Variants in STK40 observed in about 807,000 individuals in gnomAD.
STK40 encodes serine/threonine-protein kinase 40.
STK40 carries 13 observed loss-of-function variants against 47.9 expected under a neutral mutation model. The ratio of observed to expected loss-of-function variants is 0.27; its 90% CI spans 0.18 to 0.43. The LOEUF is 0.43. Ranked by LOEUF, STK40 falls within the 20% of genes least tolerant of loss-of-function variation. STK40 has a pLI of 1.00. For synonymous variants in STK40, 225 were observed against 243.2 expected (o/e 0.93, Z 0.69); for missense variants, 460 against 595.1 (o/e 0.77, Z 2.36).
At chr1:36,361,098 A>G in intron 2 of STK40, 123 bp downstream of exon 2, 1 of 1,104,820 alleles carries the variant, frequency 9.1e-7, no homozygotes, top group Non-Finnish European at 1.3e-6. Context: ...GGGGCAGGGC[A>G]GGACCACACA....
intron 1 of STK40, among the ~76,000 whole-genome samples, chr1:36,382,140 G>A (rs1238075279): frequency 3.9e-5 from 6 of 151,956 alleles, no homozygotes; most frequent in South Asian, 2.1e-4. Context: ...TTGCTAGCAG[G>A]GACACACAGA....
chr1:36,346,009 T>TTTTTTTTTTTTTTC (rs1436531127), intron 7 of STK40, among the ~76,000 whole-genome samples: 3 of 122,046 alleles, frequency 2.5e-5, no homozygotes, highest in African/African-American at 7.6e-5. Context: ...TTTTTTTTTT[T>TTTTTTTTTTTTTTC]CCTGAGACAG....
chr1:36,382,774 T>G (rs762305443), intron 1 of STK40, among the ~76,000 whole-genome samples: 6 of 152,250 alleles, frequency 3.9e-5, no homozygotes, highest in Non-Finnish European at 7.3e-5. Flanking sequence ...TACTACTCAG[T>G]GTCTGTTAAG....
intron 10 of STK40, 97 bp from the exon 11 acceptor site, chr1:36,342,070 C>T (rs771145212): frequency 2.6e-6 from 3 of 1,141,094 alleles, no homozygotes; most frequent in Non-Finnish European, 2.5e-6. Flanking sequence ...CAGCCTGGCT[C>T]CTGCAGTCAC....
chr1:36,355,751 T>A (rs1409733497), intron 4 of STK40, among the ~76,000 whole-genome samples: 2 of 152,176 alleles, frequency 1.3e-5, no homozygotes, highest in African/African-American at 4.8e-5. Flanking sequence ...AGGGCCCTCT[T>A]AGCCCAGTGC....
intron 1 of STK40, among the ~76,000 whole-genome samples, chr1:36,362,313 T>C (rs748029959): frequency 1.3e-5 from 2 of 152,050 alleles, no homozygotes; most frequent in African/African-American, 4.8e-5. Flanking sequence ...GAGTTCCACA[T>C]GGGGAAGGTC....
intron 1 of STK40, among the ~76,000 whole-genome samples, chr1:36,377,391 G>A (rs962842090): frequency 6.6e-6 from 1 of 151,722 alleles, no homozygotes; most frequent in Non-Finnish European, 1.5e-5. Context: ...AAATTAGCCG[G>A]GTGTGGTGGC....
chr1:36,375,043 G>C (rs1646980027), intron 1 of STK40, among the ~76,000 whole-genome samples: 1 of 152,158 alleles, frequency 6.6e-6, no homozygotes, highest in African/African-American at 2.4e-5. Context: ...CAGAACAACT[G>C]GTTGATTCTA....
chr1:36,374,473 G>A (rs980892284), intron 1 of STK40, among the ~76,000 whole-genome samples: 4 of 152,282 alleles, frequency 2.6e-5, no homozygotes, highest in African/African-American at 9.6e-5. Flanking sequence ...GGGAGCAAAG[G>A]GCTTCACCAG....
rs543916472 is a variant in STK40, at chr1:36,354,303, G to C, written c.623+61C>G. Reference sequence around the variant, plus strand: ...GGACACTTCAGGGCACTGGAGAGTTGCAATGTGTAGCCTGCCCCAGCCCCG... The same window carrying C: ...GGACACTTCAGGGCACTGGAGAGTTCCAATGTGTAGCCTGCCCCAGCCCCG... On this transcript the variant is annotated intron_variant, in intron 6 of 10. Transcript: ENST00000373132. 15 of 1,577,008 alleles carry C rather than the reference G, an allele frequency of 9.5e-6. No individual in the cohort carries two copies. The East Asian group carries it at 1.6e-4, about 16-fold the overall frequency.
intron 4 of STK40, among the ~76,000 whole-genome samples, chr1:36,356,628 T>C (rs908231174): frequency 7.2e-5 from 11 of 151,992 alleles, no homozygotes; most frequent in Non-Finnish European, 1.6e-4. Flanking sequence ...GGTTTCACCG[T>C]GTTAGCCAGT....
At chr1:36,371,685 CAAAAAAAA>C (rs57138983) in intron 1 of STK40, among the ~76,000 whole-genome samples, 5 of 27,972 alleles carry the variant, frequency 1.8e-4, no homozygotes, top group African/African-American at 5.7e-4. Context: ...ACCCTGTCTC[CAAAAAAAA>C]AAAAAAAAAA....
At chr1:36,366,350 G>A (rs572745000) in intron 1 of STK40, among the ~76,000 whole-genome samples, 2 of 152,314 alleles carry the variant, frequency 1.3e-5, no homozygotes, top group South Asian at 4.1e-4. Flanking sequence ...AGACGCGCAG[G>A]GAGATGAAAA....
chr1:36,345,799 C>A (rs550201741), intron 7 of STK40, among the ~76,000 whole-genome samples: 1 of 151,260 alleles, frequency 6.6e-6, no homozygotes, highest in Non-Finnish European at 1.5e-5. Flanking sequence ...TCCCTCAGCC[C>A]GAGCCTCTGT....
chr1:36,376,639 A>G (rs1232384858), intron 1 of STK40, among the ~76,000 whole-genome samples: 1 of 152,250 alleles, frequency 6.6e-6, no homozygotes, highest in African/African-American at 2.4e-5. Context: ...TCAGCTAGAC[A>G]ATGGATACTA....
intron 7 of STK40, among the ~76,000 whole-genome samples, chr1:36,346,095 C>T (rs1486295584): frequency 2.0e-5 from 3 of 147,152 alleles, no homozygotes; most frequent in South Asian, 2.1e-4. Flanking sequence ...CCCAGGTTCA[C>T]GCCATTCTCC....
In STK40 at chr1:36,355,278, C is replaced by T. The variant is rs998499432; in HGVS notation, c.498G>A (p.Glu166=). The part of the protein sequence containing the change: ...LINLQHYVIK[E]KRLSERETVV... ...CAGTCTCCCTCTCGCTGAGCCTCTTCTCCTTGATGACGTAGTGCTGCAGGT... is the reference window on the plus strand; with the variant it reads ...CAGTCTCCCTCTCGCTGAGCCTCTTTTCCTTGATGACGTAGTGCTGCAGGT... Residue 166 remains glutamate, a synonymous_variant, in exon 5 of 11, where the codon GAG becomes GAA. Transcript: ENST00000373132. 6.2e-6 allele frequency: 10 copies of T among 1,614,022 alleles called. No individual in the cohort carries two copies. The Admixed American group carries it at 1.3e-4, about 22-fold the overall frequency.
chr1:36,357,896 T>C (rs953253036), intron 4 of STK40, among the ~76,000 whole-genome samples: 1 of 152,234 alleles, frequency 6.6e-6, no homozygotes, highest in Non-Finnish European at 1.5e-5. Flanking sequence ...ATTACAGTTG[T>C]GAGCCACCGT....
chr1:36,358,211 G>A lies in STK40; in HGVS notation c.342+28C>T, dbSNP rs757986942. The A allele has an allele frequency of 4.5e-6, 7 of 1,557,486 alleles. No homozygotes were observed. The East Asian group carries it at 9.2e-5, about 20-fold the overall frequency. On this transcript the variant is annotated intron_variant, in intron 4 of 10. Transcript: ENST00000373132. ...CCCACAGAGCCAGCCAGAGGTGAGC[G>A]CGAAGGGTGAGGGGGAAGGCCGCTC... is the stretch of plus-strand genomic sequence containing the variant.
Sources: allele counts gnomAD v4.1 joint callset (sites outside exome capture counted in the v4.1 genomes callset), GRCh38; gene constraint gnomAD v4.1.1; transcripts MANE v1.5; gene names NCBI Gene and HGNC (gene_info 2026-07-23, HGNC 2026-07-21).